LIMA1: variants seen among roughly 807,000 people sequenced by gnomAD.
The protein encoded by LIMA1 is LIM domain and actin binding 1, also known as LIM domain and actin-binding protein 1.
LIMA1 carries 52 observed loss-of-function variants against 62.6 expected under a neutral mutation model. The ratio of observed to expected loss-of-function variants is 0.83; its 90% CI spans 0.67 to 1.05. The LOEUF is 1.05. LIMA1 is among the 50% of genes least tolerant of loss of function. The probability of loss-of-function intolerance (pLI) is 0.00; values close to 1 mark genes in which losing one functional copy is unlikely to be tolerated. For missense variants in LIMA1, 780 were observed against 902.2 expected, an observed-to-expected ratio of 0.86 and a Z score of 1.74; for synonymous variants, 302 against 317.8, an observed-to-expected ratio of 0.95 and a Z score of 0.53.
chr12:50,237,682 T>C (rs1193467149), intron 2 of LIMA1, among the ~76,000 whole-genome samples: 1 of 152,138 alleles, frequency 6.6e-6, no homozygotes, highest in Admixed American at 6.5e-5. Flanking sequence ...TTTTATGTTA[T>C]ATACTGTGTA....
At chr12:50,192,703 G>C in intron 8 of LIMA1, 142 bp from the exon 9 acceptor site, 1 of 630,666 alleles carries the variant, frequency 1.6e-6, no homozygotes, top group Non-Finnish European at 2.9e-6. Flanking sequence ...TTCTGTTGAA[G>C]AATATTCGAA....
intron 1 of LIMA1, among the ~76,000 whole-genome samples, chr12:50,270,948 C>A (rs370606635): frequency 6.6e-6 from 1 of 151,912 alleles, no homozygotes; most frequent in African/African-American, 2.4e-5. Flanking sequence ...AAAAATTAGC[C>A]GGGCGTGGTG....
At chr12:50,245,266 A>T (rs1941831754) in intron 2 of LIMA1, among the ~76,000 whole-genome samples, 1 of 151,824 alleles carries the variant, frequency 6.6e-6, no homozygotes, top group African/African-American at 2.4e-5. Context: ...ATAAAAAATT[A>T]GACGGGCATG....
At position 50,177,870 on chromosome 12, in the gene LIMA1, C is replaced by T. The variant is rs1377385960; in HGVS notation, c.1474G>A (p.Gly492Arg). ...TTAGCAATAGGGGCATCTTCTACCCCTGGGCTGTGAGGGGTCTCCCTTGCA... is the reference window on the plus strand; with the variant it reads ...TTAGCAATAGGGGCATCTTCTACCCTTGGGCTGTGAGGGGTCTCCCTTGCA... ...ANARETPHSP[G>R]VEDAPIAKVG... Residue 492 changes from glycine (G) to arginine (R), a missense_variant, in exon 11 of 11, where the codon GGG becomes AGG. Gly to Arg is a moderately radical substitution (Grantham distance 125, BLOSUM62 -2). Coordinates refer to ENST00000341247, the MANE Select transcript of LIMA1 (RefSeq NM_016357.5). 6.2e-7 allele frequency: 1 copy of T among 1,613,294 alleles called. No individual in the cohort carries two copies. The highest frequency in any genetic ancestry group is 1.3e-5 in the African/African-American group (1 of 75,024).
Position 50,192,547 on chromosome 12 carries a change from TA to T in LIMA1, c.1044del (p.Lys349ArgfsTer13). 1 of 1,612,468 alleles carries T rather than the reference TA, an allele frequency of 6.2e-7. No homozygotes were observed. The highest frequency in any genetic ancestry group is 8.5e-7 in the Non-Finnish European group (1 of 1,178,490). ...PAEDDSRDSQ[V>X]KSEVQQPVHP... The stretch of plus-strand genomic sequence containing the variant: ...TGGACAGGCTGTTGAACCTCACTCT[TA>T]ACCTGGGAGTCACCTGCTTGAGTTA... On this transcript the variant is annotated frameshift_variant, in exon 9 of 11. Coordinates refer to ENST00000341247, the MANE Select transcript of LIMA1 (RefSeq NM_016357.5). LOFTEE classifies it high-confidence loss of function.
chr12:50,203,415 C>CT (rs896031415), intron 6 of LIMA1, among the ~76,000 whole-genome samples: 51 of 143,666 alleles, frequency 3.5e-4, no homozygotes, highest in South Asian at 1.3e-3. Flanking sequence ...GAATACCAAT[C>CT]TTTTTTTTTT....
chr12:50,235,473 C>T (rs114392732), intron 2 of LIMA1, among the ~76,000 whole-genome samples: 3,470 of 152,034 alleles, frequency 0.023, 123 homozygotes, highest in African/African-American at 0.08. Context: ...CCAAGTTTGC[C>T]ACGCTGGTCT....
chr12:50,225,128 C>G (rs1214698809), intron 3 of LIMA1, among the ~76,000 whole-genome samples: 1 of 152,094 alleles, frequency 6.6e-6, no homozygotes, highest in East Asian at 1.9e-4. Context: ...TCTCGAACTC[C>G]CAGCCTCAGG....
chr12:50,222,391 G>T lies in LIMA1; in HGVS notation c.260C>A (p.Thr87Lys), dbSNP rs371640954. The T allele has an allele frequency of 6.2e-7, 1 of 1,614,104 alleles. No individual in the cohort carries two copies. The highest frequency in any genetic ancestry group is 2.2e-5 in the East Asian group (1 of 44,892). The change falls in exon 4 of 11, where the codon ACA becomes AAA. Residue 87 changes from threonine to lysine, a missense_variant. By Grantham distance (78) the Thr-to-Lys change is moderately conservative. Coordinates refer to ENST00000341247, the MANE Select transcript of LIMA1 (RefSeq NM_016357.5). ...ENPGLGAESH[T>K]DSLRNSSTEI... Reference sequence around the variant, plus strand: ...AGTGCTGCTGTTCCGTAGAGAGTCTGTGTGAGACTCTGCTCCCAGCCCTGG... The same window carrying T: ...AGTGCTGCTGTTCCGTAGAGAGTCTTTGTGAGACTCTGCTCCCAGCCCTGG...
intron 1 of LIMA1, among the ~76,000 whole-genome samples, chr12:50,278,820 T>C (rs1942304345): frequency 6.6e-6 from 1 of 152,110 alleles, no homozygotes; most frequent in African/African-American, 2.4e-5. Flanking sequence ...GACACAAAAC[T>C]ATATCTACTG....
chr12:50,178,964 A>C (rs199681601), intron 10 of LIMA1, among the ~76,000 whole-genome samples: 1 of 92,204 alleles, frequency 1.1e-5, no homozygotes, highest in Non-Finnish European at 2.2e-5. Context: ...ATATATATAT[A>C]TATTTTTTTT....
At chr12:50,255,146 C>T (rs954376683) in intron 1 of LIMA1, among the ~76,000 whole-genome samples, 1 of 152,114 alleles carries the variant, frequency 6.6e-6, no homozygotes, top group Non-Finnish European at 1.5e-5. Context: ...TATATCCGAT[C>T]TCAGTGGCCT....
intron 6 of LIMA1, chr12:50,201,573 T>C: frequency 1.0e-6 from 1 of 956,256 alleles, no homozygotes; most frequent in Non-Finnish European, 1.2e-6. Context: ...CTGGGGTGAA[T>C]ATTACAATTA....
intron 1 of LIMA1, among the ~76,000 whole-genome samples, chr12:50,278,289 G>A (rs974551695): frequency 1.2e-4 from 19 of 152,042 alleles, no homozygotes; most frequent in Non-Finnish European, 2.4e-4. Flanking sequence ...AGGTGTGGTG[G>A]CGGGCACCTG....
At chr12:50,260,192 T>TTTCACTCTTGTTGCCCAC (rs1942048339) in intron 1 of LIMA1, among the ~76,000 whole-genome samples, 1 of 150,640 alleles carries the variant, frequency 6.6e-6, no homozygotes, top group Non-Finnish European at 1.5e-5. Context: ...TTGTTGCCCA[T>TTTCACTCTTGTTGCCCAC]GCTGGAGTGC....
At chr12:50,228,051 G>T (rs1449177254) in intron 3 of LIMA1, among the ~76,000 whole-genome samples, 9 of 151,854 alleles carry the variant, frequency 5.9e-5, no homozygotes, top group Non-Finnish European at 8.8e-5. Context: ...GTAGAGACGG[G>T]GTTTCACCGT....
chr12:50,251,391 C>A (rs1941927809), intron 1 of LIMA1, among the ~76,000 whole-genome samples: 1 of 152,194 alleles, frequency 6.6e-6, no homozygotes, highest in South Asian at 2.1e-4. Context: ...GAGGCCGAGG[C>A]AGGCAGATCA....
At chr12:50,227,153 T>C (rs1419215160) in intron 3 of LIMA1, among the ~76,000 whole-genome samples, 2 of 151,978 alleles carry the variant, frequency 1.3e-5, no homozygotes, top group Non-Finnish European at 2.9e-5. Flanking sequence ...TCTCTCCTTT[T>C]CTACCAATTC....
chr12:50,257,293 CT>C (rs1413833291), intron 1 of LIMA1, among the ~76,000 whole-genome samples: 4 of 152,120 alleles, frequency 2.6e-5, no homozygotes, highest in African/African-American at 7.2e-5. Flanking sequence ...GAGATGAAGT[CT>C]CCCTATGTTG....
Sources: allele counts gnomAD v4.1 joint callset (sites outside exome capture counted in the v4.1 genomes callset), GRCh38; gene constraint gnomAD v4.1.1; transcripts MANE v1.5; gene names NCBI Gene and HGNC (gene_info 2026-07-23, HGNC 2026-07-21).